HOMER2: variants seen among roughly 807,000 people sequenced by gnomAD.
HOMER2 encodes homer scaffold protein 2.
A neutral mutation model predicts 47.0 loss-of-function variants in HOMER2; 27 were observed. That is an observed-to-expected ratio of 0.57 (90% CI 0.42 to 0.79). The LOEUF is 0.79. HOMER2 is among the 30% of genes least tolerant of loss of function. HOMER2 has a pLI of 0.00. For synonymous variants in HOMER2, 161 were observed against 163.8 expected (o/e 0.98, Z 0.13); for missense variants, 443 against 435.0 (o/e 1.02, Z -0.16).
exon 2 of HOMER2, chr15:82,838,823 G>T (rs760272379): frequency 6.6e-6 from 1 of 152,166 alleles, no homozygotes; most frequent in African/African-American, 2.4e-5. Flanking sequence ...TTGAATGAAG[G>T]AAAAATAGAG....
intron 3 of HOMER2, among the ~76,000 whole-genome samples, chr15:82,869,968 T>G (rs927970607): frequency 7.9e-5 from 12 of 152,200 alleles, no homozygotes; most frequent in Non-Finnish European, 5.9e-5. Flanking sequence ...ATATTCAAAT[T>G]GCAAAGGTTT....
chr15:82,873,329 TA>T (rs1225555194), intron 3 of HOMER2, among the ~76,000 whole-genome samples: 2 of 152,232 alleles, frequency 1.3e-5, no homozygotes, highest in Non-Finnish European at 2.9e-5. Context: ...CTGCCAGCCC[TA>T]TCAGCCAAAG....
chr15:82,895,804 G>A (rs953355458), intron 1 of HOMER2, among the ~76,000 whole-genome samples: 2 of 152,152 alleles, frequency 1.3e-5, no homozygotes, highest in African/African-American at 4.8e-5. Flanking sequence ...ACAGGAATTA[G>A]CTGGTACACT....
exon 2 of HOMER2, chr15:82,837,042 CT>C (rs2151580281): frequency 6.6e-6 from 1 of 152,376 alleles, no homozygotes; most frequent in South Asian, 2.1e-4. Flanking sequence ...GGGCTGTGTT[CT>C]CTTCTAAAGG....
In HOMER2 at chr15:82,849,846, T is replaced by C. The variant is rs1887536379; in HGVS notation, c.901A>G (p.Ile301Val). The C allele has an allele frequency of 3.7e-6, 6 of 1,614,004 alleles. No individual in the cohort carries two copies. Among genetic ancestry groups the C allele is most frequent in the African/African-American group, 2.7e-5 (2 of 75,050 alleles). ...CGCTGTCGGTATTTGCTCTCCTCAA[T>C]GTCTGTCTTTAAGGAACGCACTTTG... is the stretch of plus-strand genomic sequence containing the variant. The part of the protein sequence containing the change: ...EDKVRSLKTD[I>V]EESKYRQRHL... Residue 301 changes from isoleucine to valine, a missense_variant, in exon 9 of 9, where the codon ATT becomes GTT. Coordinates refer to ENST00000450735, the MANE Select transcript of HOMER2 (RefSeq NM_004839.4).
chr15:82,860,954 G>T (rs937176066), intron 4 of HOMER2, among the ~76,000 whole-genome samples: 3 of 18,984 alleles, frequency 1.6e-4, no homozygotes, highest in African/African-American at 4.8e-4. Context: ...GAAGATAGAA[G>T]ATGAGAGAGA....
Position 82,892,832 on chromosome 15 carries a change from G to A in HOMER2, c.15C>T (p.Pro5=), listed in dbSNP as rs376348249. The change falls in exon 2 of 9, where the codon CCC becomes CCT. Residue 5 remains proline (P), a synonymous_variant. Transcript: ENST00000450735. The part of the protein sequence containing the change: MGEQ[P]IFTTRAHVFQ... ...AGACATGCGCTCGGGTGGTGAAGATGGGCTGTTCTCTGCAATAAGAGAGTG... is the reference window on the plus strand; with the variant it reads ...AGACATGCGCTCGGGTGGTGAAGATAGGCTGTTCTCTGCAATAAGAGAGTG... 6.9e-6 allele frequency: 11 copies of A among 1,586,420 alleles called. No individual in the cohort carries two copies. The African/African-American group carries it at 1.3e-4, about 19-fold the overall frequency.
At chr15:82,912,466 CT>C (rs1032839122) in intron 1 of HOMER2, among the ~76,000 whole-genome samples, 10 of 151,448 alleles carry the variant, frequency 6.6e-5, no homozygotes, top group South Asian at 2.1e-4. Context: ...GGATATATCA[CT>C]TTTTTTTTAA....
chr15:82,900,670 T>A (rs7174216), intron 1 of HOMER2, among the ~76,000 whole-genome samples: 1 of 152,042 alleles, frequency 6.6e-6, no homozygotes, highest in African/African-American at 2.4e-5. Context: ...AGTGAGTGCA[T>A]GACACAGGCA....
chr15:82,842,883 G>C (rs747422575), exon 2 of HOMER2: 3 of 152,062 alleles, frequency 2.0e-5, no homozygotes, highest in Non-Finnish European at 2.9e-5. Flanking sequence ...ATACATTCCA[G>C]ATAGATCAGA....
At chr15:82,860,978 A>AGAGAGAGAGG (rs1269756073) in intron 4 of HOMER2, among the ~76,000 whole-genome samples, 1 of 147,810 alleles carries the variant, frequency 6.8e-6, no homozygotes, top group Admixed American at 6.7e-5. Flanking sequence ...AGAGAGAGAG[A>AGAGAGAGAGG]GAGAAAGCGA....
intron 1 of HOMER2, among the ~76,000 whole-genome samples, chr15:82,974,203 G>A (rs2030116591): frequency 6.6e-6 from 1 of 151,818 alleles, no homozygotes; most frequent in Non-Finnish European, 1.5e-5. Context: ...TCAGGAGTTC[G>A]AGACCAGCAT....
At chr15:82,857,689 C>T (rs1467104607) in intron 5 of HOMER2, among the ~76,000 whole-genome samples, 1 of 152,092 alleles carries the variant, frequency 6.6e-6, no homozygotes, top group Non-Finnish European at 1.5e-5. Flanking sequence ...CCTCGGCCTC[C>T]CAAAGCATTG....
intron 3 of HOMER2, among the ~76,000 whole-genome samples, chr15:82,866,825 A>G (rs2051984506): frequency 6.6e-6 from 1 of 152,218 alleles, no homozygotes; most frequent in Non-Finnish European, 1.5e-5. Context: ...AGCCACGTGG[A>G]ACTGTAAGTC....
rs528136994 is a variant in HOMER2, at chr15:82,903,548, C to T, written c.6-10707G>A. Among the ~76,000 whole-genome samples the T allele has an allele frequency of 3.3e-5, 5 of 152,110 alleles. No individual in the cohort carries two copies. In the East Asian group the frequency reaches 9.7e-4, roughly 30 times the overall value. The stretch of plus-strand genomic sequence containing the variant: ...AGGAGAATCGCTTGAACTCGGGAGA[C>T]AGAGAGGTTGCCGTTGGCCGAGATT... On this transcript the variant is annotated intron_variant, in intron 1 of 8. Coordinates refer to ENST00000450735, the MANE Select transcript of HOMER2 (RefSeq NM_004839.4).
intron 4 of HOMER2, among the ~76,000 whole-genome samples, chr15:82,861,724 G>A (rs936120318): frequency 7.2e-5 from 11 of 152,070 alleles, no homozygotes; most frequent in Non-Finnish European, 1.0e-4. Context: ...AAGCATACAA[G>A]GGCCGGGTGC....
Position 82,852,199 on chromosome 15 carries a change from G to A in HOMER2, c.705C>T (p.Asn235=), listed in dbSNP as rs757202917. 6.2e-7 allele frequency: 1 copy of A among 1,613,976 alleles called. No homozygotes were observed. The highest frequency in any genetic ancestry group is 8.5e-7 in the Non-Finnish European group (1 of 1,179,884). Residue 235 remains asparagine, a synonymous_variant, in exon 7 of 9, where the codon AAC becomes AAT. Transcript: ENST00000450735. ...CCTCGATCCTCCTCTTCAGCTGCGT[G>A]TTCTTCTCCTTCTCTCTGTTGATCT... The part of the protein sequence containing the change: ...CSEINREKEK[N]TQLKRRIEEL...
At chr15:82,875,544 G>T in intron 2 of HOMER2, 140 bp from the exon 3 acceptor site, 1 of 825,442 alleles carries the variant, frequency 1.2e-6, no homozygotes, top group South Asian at 1.8e-5. Flanking sequence ...CGTTCTCCTG[G>T]AACAACCCAT....
At chr15:82,905,575 G>T (rs1230111170) in intron 1 of HOMER2, among the ~76,000 whole-genome samples, 1 of 151,972 alleles carries the variant, frequency 6.6e-6, no homozygotes, top group Non-Finnish European at 1.5e-5. Flanking sequence ...AAAAGCCAGA[G>T]GAAAGAAACA....
Sources: allele counts gnomAD v4.1 joint callset (sites outside exome capture counted in the v4.1 genomes callset), GRCh38; gene constraint gnomAD v4.1.1; transcripts MANE v1.5; gene names NCBI Gene and HGNC (gene_info 2026-07-23, HGNC 2026-07-21).